Variants in PIP5K1B observed in about 807,000 individuals in gnomAD.
The protein encoded by PIP5K1B is phosphatidylinositol 4-phosphate 5-kinase type-1 beta.
PIP5K1B carries 42 observed loss-of-function variants against 67.0 expected under a neutral mutation model. The ratio of observed to expected loss-of-function variants is 0.63; its 90% confidence interval spans 0.49 to 0.81. The LOEUF is 0.81. Ranked by LOEUF, PIP5K1B falls within the 30% of genes least tolerant of loss-of-function variation. The pLI, the probability that PIP5K1B is intolerant of heterozygous loss-of-function variation, is 0.00. For missense variants in PIP5K1B, 459 were observed against 646.3 expected, an observed-to-expected ratio of 0.71 and a Z score of 3.14; for synonymous variants, 214 against 231.4, an observed-to-expected ratio of 0.92 and a Z score of 0.68.
intron 1 of PIP5K1B, among the ~76,000 whole-genome samples, chr9:68,720,105 G>A (rs987640153): frequency 6.6e-6 from 1 of 152,210 alleles, no homozygotes; most frequent in Non-Finnish European, 1.5e-5. Flanking sequence ...CACAAAGACA[G>A]CCTGTATTAT....
chr9:68,831,340 C>A (rs1023805749), intron 4 of PIP5K1B, among the ~76,000 whole-genome samples: 2 of 152,226 alleles, frequency 1.3e-5, no homozygotes, highest in African/African-American at 4.8e-5. Context: ...CGCTATCATT[C>A]TAAGCACTTT....
rs1165799181 is a variant in PIP5K1B, at chr9:68,929,076, T to A, written c.1201+5690T>A. 3.4e-5 allele frequency among the ~76,000 whole-genome samples: 5 copies of A among 148,506 alleles called. No individual in the cohort carries two copies. In the East Asian group the frequency reaches 1.0e-3, roughly 30 times the overall value. ...TACTTGGGAGGCTGAGGCAGGAGAA[T>A]CACTTGAACCTGGGAGGCAGAGGTT... On this transcript the variant is annotated intron_variant, in intron 12 of 15. Coordinates refer to ENST00000265382, the MANE Select transcript of PIP5K1B (RefSeq NM_003558.4).
intron 1 of PIP5K1B, among the ~76,000 whole-genome samples, chr9:68,707,081 T>A (rs1361325581): frequency 6.6e-6 from 1 of 151,734 alleles, no homozygotes; most frequent in Non-Finnish European, 1.5e-5. Context: ...CAGTGGGAGG[T>A]TGAGTGAGTT....
At chr9:68,746,240 G>A (rs1829302646) in intron 2 of PIP5K1B, among the ~76,000 whole-genome samples, 1 of 151,768 alleles carries the variant, frequency 6.6e-6, no homozygotes, top group South Asian at 2.1e-4. Context: ...CACCATGCCT[G>A]GCTAATTTTT....
At chr9:69,007,579 C>T (rs180954551) in intron 15 of PIP5K1B, among the ~76,000 whole-genome samples, 24 of 152,212 alleles carry the variant, frequency 1.6e-4, no homozygotes, top group African/African-American at 3.9e-4. Context: ...GAAATCAGGC[C>T]GGGTGAGGTG....
chr9:68,854,348 T>G (rs987880313), intron 4 of PIP5K1B, among the ~76,000 whole-genome samples: 32 of 152,146 alleles, frequency 2.1e-4, no homozygotes, highest in African/African-American at 7.5e-4. Flanking sequence ...CAGGCTGATC[T>G]CATACTCCTA....
chr9:68,894,323 T>C lies in PIP5K1B; in HGVS notation c.472-16T>C. 6.6e-7 allele frequency: 1 copy of C among 1,517,234 alleles called. No homozygotes were observed. The highest frequency in any genetic ancestry group is 9.0e-7 in the Non-Finnish European group (1 of 1,113,282). The allele number at this position is 1,517,234 out of a possible 1,614,324, so 94.0% of individuals were successfully genotyped here. On this transcript the variant is annotated splice_polypyrimidine_tract_variant and intron_variant, in intron 7 of 15. Coordinates refer to ENST00000265382, the MANE Select transcript of PIP5K1B (RefSeq NM_003558.4). ...ATAGAAGATTGTAAATATATTTTTC[T>C]TTTTTTGGTTTCTAGAATTTAAACC...
At chr9:68,722,301 T>C (rs963251610) in intron 1 of PIP5K1B, among the ~76,000 whole-genome samples, 1 of 151,970 alleles carries the variant, frequency 6.6e-6, no homozygotes. Context: ...ACCTCCCGGG[T>C]TCAAGCGATT....
chr9:68,801,589 A>T (rs1472093706), intron 2 of PIP5K1B, among the ~76,000 whole-genome samples: 1 of 152,250 alleles, frequency 6.6e-6, no homozygotes, highest in Admixed American at 6.5e-5. Flanking sequence ...TTTAATAATA[A>T]GATTACAGAG....
intron 13 of PIP5K1B, among the ~76,000 whole-genome samples, chr9:68,938,494 C>T (rs543056115): frequency 6.6e-6 from 1 of 152,146 alleles, no homozygotes; most frequent in East Asian, 1.9e-4. Context: ...TGTGAGTCTG[C>T]ACATGAGATG....
chr9:68,977,856 C>A (rs1829705088), intron 14 of PIP5K1B, among the ~76,000 whole-genome samples: 1 of 151,650 alleles, frequency 6.6e-6, no homozygotes, highest in Non-Finnish European at 1.5e-5. Context: ...TGGTTTCACC[C>A]CAGGCTGGTC....
chr9:68,865,562 T>C (rs1823315198), intron 5 of PIP5K1B, among the ~76,000 whole-genome samples: 1 of 152,130 alleles, frequency 6.6e-6, no homozygotes, highest in South Asian at 2.1e-4. Context: ...CTGAGAGCAT[T>C]ACAGCTGAAG....
At chr9:68,894,167 A>G (rs1462695514) in intron 7 of PIP5K1B, among the ~76,000 whole-genome samples, 172 bp from the exon 8 acceptor site, 2 of 152,194 alleles carry the variant, frequency 1.3e-5, no homozygotes, top group Non-Finnish European at 2.9e-5. Flanking sequence ...GCTGTCCAGT[A>G]AGCAGACTTA....
chr9:68,841,105 C>T (rs976035201), intron 4 of PIP5K1B, among the ~76,000 whole-genome samples: 3 of 152,174 alleles, frequency 2.0e-5, no homozygotes, highest in East Asian at 1.9e-4. Context: ...TCCATAAAAT[C>T]GATGTGCTCA....
chr9:68,807,953 T>A (rs1309407811), intron 2 of PIP5K1B, among the ~76,000 whole-genome samples: 1 of 152,212 alleles, frequency 6.6e-6, no homozygotes, highest in Non-Finnish European at 1.5e-5. Flanking sequence ...ATCCCAGCAC[T>A]TTGGGAAGCC....
chr9:68,949,949 C>G (rs1365635594), intron 14 of PIP5K1B, among the ~76,000 whole-genome samples: 3 of 152,202 alleles, frequency 2.0e-5, no homozygotes, highest in East Asian at 3.8e-4. Context: ...CAAATGTAAA[C>G]TATGGTTGGT....
intron 8 of PIP5K1B, among the ~76,000 whole-genome samples, chr9:68,901,945 A>C (rs1035924540): frequency 6.6e-6 from 1 of 152,226 alleles, no homozygotes; most frequent in Non-Finnish European, 1.5e-5. Context: ...ATTTTGAGAT[A>C]ATAGATTCAC....
rs1397210439 is a variant in PIP5K1B at position 68,953,582 on chromosome 9, G to A, written c.1502+12792G>A. Among the ~76,000 whole-genome samples the A allele has an allele frequency of 2.7e-4, 41 of 151,896 alleles. 1 individual carries two copies. The highest frequency in any genetic ancestry group is 2.6e-3 in the Admixed American group (39 of 15,228). On this transcript the variant is annotated intron_variant, in intron 14 of 15. Coordinates refer to ENST00000265382, the MANE Select transcript of PIP5K1B (RefSeq NM_003558.4). The stretch of plus-strand genomic sequence containing the variant: ...TATAATCCCAGCATATTTGGAGGCC[G>A]AGGTAGGAGGACTGTTGGAGCCCAG...
chr9:68,732,913 G>T (rs1281140777), intron 1 of PIP5K1B, among the ~76,000 whole-genome samples: 1 of 122,288 alleles, frequency 8.2e-6, no homozygotes, highest in Non-Finnish European at 1.7e-5. Context: ...TGTGGAGGTG[G>T]GTTGGGGGGG....
Sources: allele counts gnomAD v4.1 joint callset (sites outside exome capture counted in the v4.1 genomes callset), GRCh38; gene constraint gnomAD v4.1.1; transcripts MANE v1.5; gene names NCBI Gene and HGNC (gene_info 2026-07-23, HGNC 2026-07-21).